PIK3R6: variants seen among roughly 807,000 people sequenced by gnomAD.
PIK3R6 encodes phosphoinositide-3-kinase regulatory subunit 6.
In PIK3R6, 91 loss-of-function variants were observed where a neutral mutation model predicts 84.9. The ratio of observed to expected loss-of-function variants is 1.07; its 90% CI spans 0.90 to 1.28. The LOEUF is 1.28. PIK3R6 is among the 50% of genes most tolerant of loss of function. The pLI is 0.00. For synonymous variants in PIK3R6, 416 were observed against 411.4 expected (o/e 1.01, Z -0.13); for missense variants, 996 against 985.1 (o/e 1.01, Z -0.15).
rs1403692181 is a variant in PIK3R6, at chr17:8,829,517, T to TATAC, written c.889+188_889+189insGTAT. ...ACACACACTGACACACACTCATGCA[T>TATAC]ACACACACACTGACACACGCATGCA... On this transcript the variant is annotated intron_variant, in intron 10 of 19. Coordinates refer to ENST00000619866, the MANE Select transcript of PIK3R6 (RefSeq NM_001010855.4). Among the ~76,000 whole-genome samples, 6 of 122,878 alleles carry TATAC rather than the reference T, an allele frequency of 4.9e-5. No individual in the cohort carries two copies. In the East Asian group the frequency reaches 1.6e-3, roughly 34 times the overall value. 80.6% of individuals were successfully genotyped at this position (122,878 alleles called of 152,430 possible).
intron 9 of PIK3R6, among the ~76,000 whole-genome samples, 169 bp downstream of exon 9, chr17:8,832,720 A>T (rs1360545310): frequency 6.6e-6 from 1 of 151,986 alleles, no homozygotes; most frequent in Non-Finnish European, 1.5e-5. Context: ...CCCGCCTCTT[A>T]GTCCCGGTCC....
chr17:8,846,738 A>G (rs1360174881), intron 2 of PIK3R6, among the ~76,000 whole-genome samples: 1 of 152,124 alleles, frequency 6.6e-6, no homozygotes, highest in East Asian at 1.9e-4. Context: ...AGAATCTTCC[A>G]TAGGTATGGT....
At chr17:8,859,816 C>A (rs2089229066) in intron 1 of PIK3R6, among the ~76,000 whole-genome samples, 1 of 152,148 alleles carries the variant, frequency 6.6e-6, no homozygotes, top group African/African-American at 2.4e-5. Context: ...CACTGACTTT[C>A]CTGGGCCTCT....
chr17:8,850,424 C>A (rs1365680729), intron 1 of PIK3R6, among the ~76,000 whole-genome samples: 2 of 152,126 alleles, frequency 1.3e-5, no homozygotes, highest in Non-Finnish European at 2.9e-5. Flanking sequence ...GCTTATGAGG[C>A]AGGTTCTATC....
At chr17:8,807,317 C>G (rs1375492327) in intron 18 of PIK3R6, among the ~76,000 whole-genome samples, 1 of 152,166 alleles carries the variant, frequency 6.6e-6, no homozygotes, top group Non-Finnish European at 1.5e-5. Flanking sequence ...TGAGGCCCTG[C>G]TGCAGGCCAG....
At chr17:8,865,101 G>A (rs1434418729) in intron 1 of PIK3R6, among the ~76,000 whole-genome samples, 4 of 152,188 alleles carry the variant, frequency 2.6e-5, no homozygotes, top group Non-Finnish European at 5.9e-5. Flanking sequence ...TGTTGTTGGT[G>A]TGAGATAAAG....
intron 16 of PIK3R6, 111 bp from the exon 17 acceptor site, chr17:8,822,047 AGAGTC>A: frequency 3.5e-6 from 2 of 574,396 alleles, no homozygotes; most frequent in South Asian, 2.3e-5. Context: ...CCCTGCTGTG[AGAGTC>A]TTTTTTTTTT....
chr17:8,824,569 C>T (rs2087856643), intron 13 of PIK3R6, among the ~76,000 whole-genome samples: 1 of 152,178 alleles, frequency 6.6e-6, no homozygotes, highest in Admixed American at 6.5e-5. Flanking sequence ...TCATTGCTCA[C>T]ATTGTTTCTG....
intron 7 of PIK3R6, among the ~76,000 whole-genome samples, chr17:8,836,221 T>C (rs1384967024): frequency 6.6e-6 from 1 of 152,172 alleles, no homozygotes; most frequent in Non-Finnish European, 1.5e-5. Flanking sequence ...TGATGCTGCA[T>C]TATGGCCAAG....
intron 13 of PIK3R6, among the ~76,000 whole-genome samples, chr17:8,826,104 C>T (rs1007599135): frequency 2.0e-5 from 3 of 152,172 alleles, no homozygotes; most frequent in African/African-American, 2.4e-5. Context: ...AGGCAAGATA[C>T]TTAATCTCTT....
In PIK3R6 at chr17:8,842,538, G is replaced by A. The variant is rs1018278104; in HGVS notation, c.14-2841C>T. Among the ~76,000 whole-genome samples the A allele has an allele frequency of 5.3e-5, 8 of 152,038 alleles. No individual in the cohort carries two copies. Among genetic ancestry groups the A allele is most frequent in the African/African-American group, 1.9e-4 (8 of 41,382 alleles). On this transcript the variant is annotated intron_variant, in intron 2 of 19. Coordinates refer to ENST00000619866, the MANE Select transcript of PIK3R6 (RefSeq NM_001010855.4). The surrounding 1 kb of genome is among the most constrained non-coding windows in gnomAD (Gnocchi z 4.5). ...TTTCCCCAAATAAATCCTTGAACTTGGTGTCTGCTTCTTGGCAGATCCAGA... is the reference window on the plus strand; with the variant it reads ...TTTCCCCAAATAAATCCTTGAACTTAGTGTCTGCTTCTTGGCAGATCCAGA...
Position 8,835,258 on chromosome 17 carries a change from A to G in PIK3R6, c.645+15T>C, listed in dbSNP as rs1005898. 0.4 allele frequency: 596,722 copies of G among 1,509,172 alleles called. 121,081 individuals carry two copies. The highest frequency in any genetic ancestry group is 0.59 in the East Asian group (25,124 of 42,866). 93.5% of individuals were successfully genotyped at this position (1,509,172 alleles called of 1,614,324 possible). Reference sequence around the variant, plus strand: ...AGGGCTGGGACTGACAAGGGGCTGCAGGCAGGGCCATTACCTGCAGCTTCC... The same window carrying G: ...AGGGCTGGGACTGACAAGGGGCTGCGGGCAGGGCCATTACCTGCAGCTTCC... On this transcript the variant is annotated intron_variant, in intron 8 of 19. Coordinates refer to ENST00000619866, the MANE Select transcript of PIK3R6 (RefSeq NM_001010855.4).
chr17:8,829,515 C>T lies in PIK3R6; in HGVS notation c.889+191G>A, dbSNP rs879201939. On this transcript the variant is annotated intron_variant, in intron 10 of 19. Coordinates refer to ENST00000619866, the MANE Select transcript of PIK3R6 (RefSeq NM_001010855.4). ...ACACACACACTGACACACACTCATG[C>T]ATACACACACACTGACACACGCATG... Among the ~76,000 whole-genome samples, 5 of 119,642 alleles carry T rather than the reference C, an allele frequency of 4.2e-5. No homozygotes were observed. The East Asian group carries it at 8.7e-4, about 21-fold the overall frequency. The allele number at this position is 119,642 out of a possible 152,430, so 78.5% of individuals were successfully genotyped here. A position where few individuals can be genotyped will look rare whatever the true frequency, so the allele number is the denominator to read the frequency against.
intron 9 of PIK3R6, among the ~76,000 whole-genome samples, chr17:8,832,426 A>G (rs868451328): frequency 8.5e-6 from 1 of 117,142 alleles, no homozygotes; most frequent in East Asian, 2.9e-4. Flanking sequence ...TCTGTCGCCC[A>G]GGCTGGAGTA....
chr17:8,851,192 A>AC (rs1301912306), intron 1 of PIK3R6, among the ~76,000 whole-genome samples: 10 of 151,446 alleles, frequency 6.6e-5, no homozygotes, highest in Non-Finnish European at 1.3e-4. Flanking sequence ...GAAAAAAAAA[A>AC]CAAAAACAAA....
intron 1 of PIK3R6, among the ~76,000 whole-genome samples, chr17:8,852,600 G>A (rs2089000163): frequency 6.6e-6 from 1 of 152,054 alleles, no homozygotes; most frequent in South Asian, 2.1e-4. Flanking sequence ...TTAGCCAGGT[G>A]TGGTGGCGTG....
intron 17 of PIK3R6, among the ~76,000 whole-genome samples, chr17:8,820,196 G>A (rs2087689412): frequency 6.6e-6 from 1 of 151,184 alleles, no homozygotes; most frequent in Non-Finnish European, 1.5e-5. Context: ...GTGCCTGCTG[G>A]TAGGCTTCGT....
At position 8,835,288 on chromosome 17, in the gene PIK3R6, C is replaced by T. The variant is rs1327316097; in HGVS notation, c.630G>A (p.Leu210=). The T allele has an allele frequency of 6.4e-7, 1 of 1,570,994 alleles. No homozygotes were observed. Among genetic ancestry groups the T allele is most frequent in the South Asian group, 1.2e-5 (1 of 86,380 alleles). The part of the protein sequence containing the change: ...ALGEACHAGA[L]HRKLQASPRR... ...GGGCCATTACCTGCAGCTTCCTGTG[C>T]AGAGCGCCTGCGTGACAGGCCTCCC... Residue 210 remains leucine, a synonymous_variant, in exon 8 of 20, where the codon CTG becomes CTA. Transcript: ENST00000619866.
chr17:8,849,211 C>T (rs1313942069), intron 2 of PIK3R6, among the ~76,000 whole-genome samples: 1 of 152,248 alleles, frequency 6.6e-6, no homozygotes, highest in Non-Finnish European at 1.5e-5. Context: ...GGATAATCAT[C>T]GTGCTAGCCC....
Sources: gnomAD v4.1 joint callset for allele counts (sites outside exome capture counted in the v4.1 genomes callset) on GRCh38, gnomAD v4.1.1 for gene constraint, Gnocchi (gnomAD v3.1) non-coding constraint, MANE v1.5 for transcripts, NCBI Gene and HGNC (gene_info 2026-07-23, HGNC 2026-07-21) for gene names.